Variants in INVS observed in about 807,000 individuals in gnomAD.
INVS encodes the protein inversion of embryo turning homolog.
Under a neutral mutation model 108.8 loss-of-function variants are expected in INVS, and 86 were observed. The ratio of observed to expected loss-of-function variants is 0.79; its 90% CI spans 0.66 to 0.95. INVS has a LOEUF of 0.95. INVS is among the 40% of genes least tolerant of loss of function. The pLI, the probability that INVS is intolerant of heterozygous loss-of-function variation, is 0.00. For missense variants in INVS, 1,169 were observed against 1,297.4 expected (o/e 0.90, Z 1.52); for synonymous variants, 455 against 473.5 (o/e 0.96, Z 0.51).
Position 100,300,778 on chromosome 9 carries a change from G to A in INVS, c.*104G>A, listed in dbSNP as rs777886708. 4.3e-5 allele frequency: 33 copies of A among 775,492 alleles called. No individual in the cohort carries two copies. The highest frequency in any genetic ancestry group is 2.2e-4 in the Middle Eastern group (1 of 4,486). 48.0% of individuals were successfully genotyped at this position (775,492 alleles called of 1,614,324 possible). ...ACACCTTGGGAAAACTTTAATATCC[G>A]TACCTGAAGGCTGATTCACCTAAAA... On this transcript the variant is annotated 3_prime_UTR_variant, in exon 17 of 17. Transcript: ENST00000262457.
rs1833643967 is a variant in INVS at position 100,292,325 on chromosome 9, G to T, written c.2069-1G>T. 6.2e-7 allele frequency: 1 copy of T among 1,613,666 alleles called. No homozygotes were observed. The highest frequency in any genetic ancestry group is 8.5e-7 in the Non-Finnish European group (1 of 1,179,614). ...CAATATTTTTTCTTTGTTTCCTCAA[G>T]AAACAGCCAGAGAACATTCTAAAGG... On this transcript the variant is annotated splice_acceptor_variant, in intron 13 of 16. Transcript: ENST00000262457. LOFTEE classifies it high-confidence loss of function.
At chr9:100,245,086 C>T (rs954038685) in intron 7 of INVS, among the ~76,000 whole-genome samples, 1 of 152,188 alleles carries the variant, frequency 6.6e-6, no homozygotes, top group Non-Finnish European at 1.5e-5. Flanking sequence ...GATCAGATCA[C>T]AGCCTCCAGC....
At chr9:100,198,264 A>ATTTTTTTTTTGTTTTTTT (rs1830436341) in intron 3 of INVS, among the ~76,000 whole-genome samples, 1 of 65,216 alleles carries the variant, frequency 1.5e-5, no homozygotes, top group Non-Finnish European at 2.8e-5. Context: ...GAGGGCTAGA[A>ATTTTTTTTTTGTTTTTTT]TTTTTTTTTT....
intron 3 of INVS, among the ~76,000 whole-genome samples, chr9:100,198,629 T>A (rs1265936079): frequency 1.3e-5 from 2 of 150,334 alleles, no homozygotes; most frequent in Non-Finnish European, 3.0e-5. Flanking sequence ...ACTCTTGCTC[T>A]GTCGCCAGGC....
chr9:100,106,262 G>A (rs1378561975), intron 2 of INVS, among the ~76,000 whole-genome samples: 1 of 152,080 alleles, frequency 6.6e-6, no homozygotes, highest in Non-Finnish European at 1.5e-5. Context: ...TCTGTTAAAG[G>A]CCAGTTCTTC....
At chr9:100,113,372 G>A (rs146354013) in intron 2 of INVS, among the ~76,000 whole-genome samples, 1 of 152,278 alleles carries the variant, frequency 6.6e-6, no homozygotes, top group Non-Finnish European at 1.5e-5. Flanking sequence ...ACATCTGTAA[G>A]GCTCTTTCAA....
At chr9:100,240,333 GTTAA>G (rs985127867) in intron 6 of INVS, 93 bp downstream of exon 6, 22 of 900,158 alleles carry the variant, frequency 2.4e-5, no homozygotes, top group Non-Finnish European at 4.0e-5. Flanking sequence ...CCAACTCCTA[GTTAA>G]TTATTTTGAT....
At chr9:100,106,479 A>G (rs751442049) in intron 2 of INVS, among the ~76,000 whole-genome samples, 2 of 152,128 alleles carry the variant, frequency 1.3e-5, no homozygotes, top group Non-Finnish European at 2.9e-5. Context: ...ACTTTCCCTC[A>G]CGACTGCATT....
At chr9:100,201,275 G>A (rs1356747392) in intron 3 of INVS, among the ~76,000 whole-genome samples, 1 of 152,160 alleles carries the variant, frequency 6.6e-6, no homozygotes, top group Non-Finnish European at 1.5e-5. Context: ...TTACATCAAG[G>A]CTGTGAGCAA....
intron 3 of INVS, among the ~76,000 whole-genome samples, chr9:100,168,888 A>G (rs1365278995): frequency 3.9e-5 from 6 of 152,226 alleles, no homozygotes; most frequent in Admixed American, 3.9e-4. Flanking sequence ...ATATAACGCT[A>G]TACAAATCCA....
intron 16 of INVS, among the ~76,000 whole-genome samples, chr9:100,299,918 T>G (rs1276276505): frequency 6.6e-6 from 1 of 152,194 alleles, no homozygotes; most frequent in African/African-American, 2.4e-5. Flanking sequence ...AGAGAAAAAT[T>G]GAGACATATG....
intron 3 of INVS, among the ~76,000 whole-genome samples, chr9:100,215,869 A>C (rs1288543331): frequency 6.6e-6 from 1 of 152,210 alleles, no homozygotes; most frequent in African/African-American, 2.4e-5. Context: ...CCACAAGAAA[A>C]GGAGGCCAAC....
At chr9:100,243,962 G>A (rs1224720221) in intron 7 of INVS, among the ~76,000 whole-genome samples, 1 of 152,018 alleles carries the variant, frequency 6.6e-6, no homozygotes, top group Non-Finnish European at 1.5e-5. Flanking sequence ...AATGAGCCAG[G>A]ATAGCGCCAC....
chr9:100,181,078 C>A lies in INVS; in HGVS notation c.274-44984C>A, dbSNP rs1223505573. On this transcript the variant is annotated intron_variant, in intron 3 of 16. Coordinates refer to ENST00000262457, the MANE Select transcript of INVS (RefSeq NM_014425.5). ...AAAAGGCCTTCAATAAAATTCAACA[C>A]CCCTTCATGCTAAAAACTCTCAAAA... Among the ~76,000 whole-genome samples, 7 of 152,146 alleles carry A rather than the reference C, an allele frequency of 4.6e-5. No individual in the cohort carries two copies. The South Asian group carries it at 1.5e-3, about 32-fold the overall frequency.
At chr9:100,140,728 TGTGGGA>T (rs1351004158) in intron 3 of INVS, among the ~76,000 whole-genome samples, 1 of 152,030 alleles carries the variant, frequency 6.6e-6, no homozygotes, top group African/African-American at 2.4e-5. Flanking sequence ...TTAGGGGCGG[TGTGGGA>T]ACCTAGAATG....
At position 100,126,457 on chromosome 9, in the gene INVS, T is replaced by C; in HGVS notation, c.181T>C (p.Leu61=). ...TATGTATTGCGTGTTGGCTGACAGA[T>C]TGGATTGTGCAGATGCTCTTCTGAA... ...PLMYCVLADR[L]DCADALLKAG... is the part of the protein sequence containing the mutation. Residue 61 remains leucine (L), a synonymous_variant, in exon 3 of 17, where the codon TTG becomes CTG. Transcript: ENST00000262457. 1.2e-6 allele frequency: 2 copies of C among 1,614,116 alleles called. No individual in the cohort carries two copies. Among genetic ancestry groups the C allele is most frequent in the Non-Finnish European group, 1.7e-6 (2 of 1,179,992 alleles).
chr9:100,181,031 A>G (rs1040119651), intron 3 of INVS, among the ~76,000 whole-genome samples: 2 of 152,168 alleles, frequency 1.3e-5, no homozygotes, highest in African/African-American at 4.8e-5. Flanking sequence ...ACAAAACCAC[A>G]TGATTATCTC....
intron 3 of INVS, among the ~76,000 whole-genome samples, chr9:100,132,553 C>T (rs865796212): frequency 6.6e-6 from 1 of 152,114 alleles, no homozygotes; most frequent in Non-Finnish European, 1.5e-5. Flanking sequence ...AATTTATTCT[C>T]AAGGACTACA....
At chr9:100,124,447 C>T (rs1451399472) in intron 2 of INVS, among the ~76,000 whole-genome samples, 1 of 151,474 alleles carries the variant, frequency 6.6e-6, no homozygotes, top group African/African-American at 2.4e-5. Flanking sequence ...ATAAGCCAGG[C>T]ATGCACTGTA....
Sources: allele counts gnomAD v4.1 joint callset (sites outside exome capture counted in the v4.1 genomes callset), GRCh38; gene constraint gnomAD v4.1.1; transcripts MANE v1.5; gene names NCBI Gene and HGNC (gene_info 2026-07-23, HGNC 2026-07-21).